The following CLINT1 variants were observed in gnomAD, a reference collection of about 807,000 sequenced individuals.
CLINT1 encodes clathrin interactor 1.
A neutral mutation model predicts 70.4 loss-of-function variants in CLINT1; 15 were observed. That is an observed-to-expected ratio of 0.21 (90% CI 0.14 to 0.33). The LOEUF is 0.33. Ranked by LOEUF, CLINT1 falls within the 10% of genes least tolerant of loss-of-function variation. The pLI is 1.00. For missense variants in CLINT1, 615 were observed against 778.1 expected, an observed-to-expected ratio of 0.79 and a Z score of 2.49; for synonymous variants, 227 against 254.7, an observed-to-expected ratio of 0.89 and a Z score of 1.04.
intron 1 of CLINT1, among the ~76,000 whole-genome samples, chr5:157,828,927 TAAAAAA>T (rs11379662): frequency 5.8e-5 from 6 of 103,376 alleles, no homozygotes; most frequent in South Asian, 6.9e-4. Flanking sequence ...TGTCTCTACT[TAAAAAA>T]AAAAAAAAAA....
At chr5:157,796,179 G>A (rs997813484) in intron 8 of CLINT1, 2 of 152,060 alleles carry the variant, frequency 1.3e-5, no homozygotes, top group African/African-American at 4.8e-5. Flanking sequence ...TAATGCATGG[G>A]AAAAAAATAG....
intron 1 of CLINT1, among the ~76,000 whole-genome samples, chr5:157,829,689 A>ATTTT (rs3075709): frequency 2.7e-5 from 3 of 109,142 alleles, no homozygotes; most frequent in Non-Finnish European, 3.6e-5. Context: ...ACACCCAGCT[A>ATTTT]TTTTTTTTTT....
chr5:157,803,314 A>G (rs2113167384), intron 8 of CLINT1, among the ~76,000 whole-genome samples: 2 of 152,334 alleles, frequency 1.3e-5, no homozygotes, highest in East Asian at 3.9e-4. Context: ...TAGGGAAGAC[A>G]CAGTACATCA....
At chr5:157,819,380 C>G (rs958177552) in intron 1 of CLINT1, among the ~76,000 whole-genome samples, 2 of 152,102 alleles carry the variant, frequency 1.3e-5, no homozygotes, top group Admixed American at 6.6e-5. Flanking sequence ...ATTCCTTCCC[C>G]AGGACTAAAA....
intron 6 of CLINT1, among the ~76,000 whole-genome samples, chr5:157,806,357 T>C (rs1476743736): frequency 6.6e-6 from 1 of 152,088 alleles, no homozygotes. Flanking sequence ...AAAAAGTATT[T>C]ACATAAATGT....
At chr5:157,821,350 T>A (rs924610002) in intron 1 of CLINT1, among the ~76,000 whole-genome samples, 1 of 151,690 alleles carries the variant, frequency 6.6e-6, no homozygotes, top group Non-Finnish European at 1.5e-5. Flanking sequence ...CAGATTTTTA[T>A]CTGTATTTAA....
intron 1 of CLINT1, among the ~76,000 whole-genome samples, chr5:157,831,780 A>C (rs1763252652): frequency 7.5e-6 from 1 of 133,148 alleles, no homozygotes; most frequent in Admixed American, 8.4e-5. Context: ...TGCAACCTCC[A>C]CCTCCCAGGT....
chr5:157,804,233 A>AC (rs1360049620), intron 7 of CLINT1, among the ~76,000 whole-genome samples: 9 of 152,070 alleles, frequency 5.9e-5, no homozygotes, highest in African/African-American at 1.9e-4. Flanking sequence ...ATTTCTATGA[A>AC]CCTTAGCAAA....
chr5:157,853,533 T>C (rs866010677), intron 1 of CLINT1, among the ~76,000 whole-genome samples: 1 of 151,708 alleles, frequency 6.6e-6, no homozygotes, highest in African/African-American at 2.4e-5. Context: ...TCCCAGCACT[T>C]TGGGAGTCTG....
In CLINT1 at chr5:157,803,734, A is replaced by G. The variant is rs1406677380; in HGVS notation, c.943-15T>C. ...GGCACTGAAGTCTGAAAACACACAC[A>G]TAACTCAGGAGCTTCGAAAAGTTTG... is the stretch of plus-strand genomic sequence containing the variant. On this transcript the variant is annotated splice_polypyrimidine_tract_variant and intron_variant, in intron 7 of 11. Transcript: ENST00000411809. The G allele has an allele frequency of 2.6e-6, 4 of 1,534,074 alleles. No homozygotes were observed. Among genetic ancestry groups the G allele is most frequent in the Non-Finnish European group, 3.5e-6 (4 of 1,131,272 alleles).
intron 1 of CLINT1, among the ~76,000 whole-genome samples, chr5:157,841,692 C>T (rs910677189): frequency 5.3e-5 from 8 of 152,168 alleles, no homozygotes; most frequent in African/African-American, 1.9e-4. Flanking sequence ...ACAACCAGGG[C>T]TCATTGAAGC....
intron 5 of CLINT1, among the ~76,000 whole-genome samples, chr5:157,811,615 A>G (rs1762561551): frequency 6.6e-6 from 1 of 152,196 alleles, no homozygotes; most frequent in Non-Finnish European, 1.5e-5. Flanking sequence ...AACCATGAAC[A>G]ATAACTTAGC....
intron 1 of CLINT1, among the ~76,000 whole-genome samples, chr5:157,852,588 T>C (rs1218561622): frequency 6.6e-6 from 1 of 152,228 alleles, no homozygotes; most frequent in African/African-American, 2.4e-5. Flanking sequence ...TTACTGTATG[T>C]CAAGTACTAT....
At chr5:157,837,917 T>C (rs1370249021) in intron 1 of CLINT1, among the ~76,000 whole-genome samples, 2 of 151,956 alleles carry the variant, frequency 1.3e-5, no homozygotes, top group Non-Finnish European at 2.9e-5. Flanking sequence ...ACTGGGATTA[T>C]AGGCACCCTG....
At chr5:157,829,586 T>C (rs1763156011) in intron 1 of CLINT1, among the ~76,000 whole-genome samples, 1 of 151,972 alleles carries the variant, frequency 6.6e-6, no homozygotes, top group Non-Finnish European at 1.5e-5. Context: ...AGTGGTGTGA[T>C]TTTTCAGCTC....
At chr5:157,819,661 A>G (rs1034418179) in intron 1 of CLINT1, among the ~76,000 whole-genome samples, 3 of 152,230 alleles carry the variant, frequency 2.0e-5, no homozygotes, top group Non-Finnish European at 4.4e-5. Context: ...TTAGGCAGTT[A>G]AAAGTGTCAA....
At chr5:157,789,287 T>A in intron 11 of CLINT1, 76 bp downstream of exon 11, 1 of 1,191,884 alleles carries the variant, frequency 8.4e-7, no homozygotes, top group Non-Finnish European at 1.2e-6. Context: ...TTTTTATTTA[T>A]AGTTTGAAGT....
chr5:157,840,963 T>C (rs1164325949), intron 1 of CLINT1, among the ~76,000 whole-genome samples: 1 of 152,022 alleles, frequency 6.6e-6, no homozygotes, highest in African/African-American at 2.4e-5. Flanking sequence ...TCAAACTTCA[T>C]GAAAAGGATT....
chr5:157,823,601 A>G (rs1405556068), intron 1 of CLINT1: 3 of 184,336 alleles, frequency 1.6e-5, no homozygotes, highest in East Asian at 3.8e-4. Flanking sequence ...TTAGGGATGA[A>G]TAATTCTTGA....
Sources: allele counts gnomAD v4.1 joint callset (sites outside exome capture counted in the v4.1 genomes callset), GRCh38; gene constraint gnomAD v4.1.1; transcripts MANE v1.5; gene names NCBI Gene and HGNC (gene_info 2026-07-23, HGNC 2026-07-21).